The following LDHAL6A variants were observed in gnomAD, a reference collection of about 807,000 sequenced individuals.
The protein encoded by LDHAL6A is L-lactate dehydrogenase A-like 6A.
A neutral mutation model predicts 28.2 loss-of-function variants in LDHAL6A; 19 were observed. The observed-to-expected ratio is 0.67, with a 90% confidence interval of 0.47 to 0.99. The LOEUF is 0.99. Among genes scored for constraint, LDHAL6A ranks in the 50% least tolerant of loss-of-function variants. The pLI is 0.00. For missense variants in LDHAL6A, 372 were observed against 398.6 expected, an observed-to-expected ratio of 0.93 and a Z score of 0.57; for synonymous variants, 144 against 134.4, an observed-to-expected ratio of 1.07 and a Z score of -0.49.
intron 1 of LDHAL6A, 121 bp from the exon 2 acceptor site, chr11:18,463,840 T>A: frequency 1.5e-6 from 1 of 661,692 alleles, no homozygotes; most frequent in Non-Finnish European, 2.7e-6. Context: ...TCATTTATTA[T>A]GTTTCCTTTG....
At chr11:18,461,380 T>C (rs1848899369) in intron 1 of LDHAL6A, among the ~76,000 whole-genome samples, 1 of 148,996 alleles carries the variant, frequency 6.7e-6, no homozygotes, top group Admixed American at 6.7e-5. Context: ...CCTGAGCTCA[T>C]GATCCGCCCA....
intron 3 of LDHAL6A, among the ~76,000 whole-genome samples, chr11:18,473,116 T>C (rs555429362): frequency 5.6e-4 from 86 of 152,340 alleles, no homozygotes; most frequent in Non-Finnish European, 1.0e-3. Flanking sequence ...GCAAATTCTA[T>C]ACATAGAACA....
intron 1 of LDHAL6A, among the ~76,000 whole-genome samples, chr11:18,458,297 T>TGG (rs1015665079): frequency 6.4e-4 from 98 of 152,268 alleles, no homozygotes; most frequent in African/African-American, 2.2e-3. Context: ...CAACTGGTGA[T>TGG]GGGAGGCACA....
chr11:18,465,217 T>C (rs1849033773), intron 2 of LDHAL6A, among the ~76,000 whole-genome samples: 1 of 151,698 alleles, frequency 6.6e-6, no homozygotes, highest in Non-Finnish European at 1.5e-5. Flanking sequence ...ACTGCCTCCA[T>C]GTTCAAGTGA....
At position 18,456,632 on chromosome 11, in the gene LDHAL6A, A is replaced by C; in HGVS notation, c.-49A>C. 1 of 1,587,524 alleles carries C rather than the reference A, an allele frequency of 6.3e-7. No individual in the cohort carries two copies. The highest frequency in any genetic ancestry group is 8.6e-7 in the Non-Finnish European group (1 of 1,158,120). On this transcript the variant is annotated 5_prime_UTR_variant, in exon 1 of 7. Coordinates refer to ENST00000280706, the MANE Select transcript of LDHAL6A (RefSeq NM_144972.5). The stretch of plus-strand genomic sequence containing the variant: ...GGAATTCCAAGCCATTTCCAATTCC[A>C]GGTCTTGGAAATGGCTGTGCAATTT...
chr11:18,463,213 A>C (rs1848970699), intron 1 of LDHAL6A, among the ~76,000 whole-genome samples: 1 of 152,188 alleles, frequency 6.6e-6, no homozygotes. Context: ...TGACTGGGTC[A>C]TGAGGGCTCT....
chr11:18,475,683 A>G, intron 4 of LDHAL6A, 44 bp downstream of exon 4: 1 of 1,534,272 alleles, frequency 6.5e-7, no homozygotes, highest in South Asian at 1.2e-5. Context: ...TCTATTTCCT[A>G]TCAATCATAC....
intron 3 of LDHAL6A, among the ~76,000 whole-genome samples, chr11:18,470,147 A>G (rs1418625029): frequency 6.6e-6 from 1 of 151,712 alleles, no homozygotes; most frequent in African/African-American, 2.4e-5. Flanking sequence ...CTGGTCTTGA[A>G]CTCCTGGCAT....
chr11:18,467,872 T>TAC (rs1565070703), intron 3 of LDHAL6A, among the ~76,000 whole-genome samples: 4 of 29,222 alleles, frequency 1.4e-4, no homozygotes, highest in East Asian at 1.9e-3. Flanking sequence ...AATATATATA[T>TAC]ATACACACAT....
At chr11:18,471,297 C>G (rs1289732950) in intron 3 of LDHAL6A, among the ~76,000 whole-genome samples, 1 of 151,304 alleles carries the variant, frequency 6.6e-6, no homozygotes, top group African/African-American at 2.4e-5. Flanking sequence ...GCAACCTCCG[C>G]CTCCTGGGTT....
Position 18,465,696 on chromosome 11 carries a change from A to G in LDHAL6A, c.304A>G (p.Lys102Glu), listed in dbSNP as rs2061088607. 2 of 1,614,122 alleles carry G rather than the reference A, an allele frequency of 1.2e-6. No homozygotes were observed. Among genetic ancestry groups the G allele is most frequent in the Admixed American group, 1.7e-5 (1 of 60,016 alleles). The change falls in exon 3 of 7, where the codon AAA (lysine) becomes GAA (glutamate). Residue 102 changes from lysine to glutamate, a missense_variant. This residue lies in a region of LDHAL6A where 291 missense variants were observed against 302.9 expected (regional missense o/e 0.96). Transcript: ENST00000280706. ...TATCACAGCAGGTGCACGCCAGAAAAAAGGAGAAACACGCCTTGATTTAGT... is the reference window on the plus strand; with the variant it reads ...TATCACAGCAGGTGCACGCCAGAAAGAAGGAGAAACACGCCTTGATTTAGT... The part of the protein sequence containing the change: ...VIITAGARQK[K>E]GETRLDLVQR...
chr11:18,476,905 T>C (rs1193723145), intron 5 of LDHAL6A, among the ~76,000 whole-genome samples: 1 of 151,708 alleles, frequency 6.6e-6, no homozygotes, highest in African/African-American at 2.4e-5. Flanking sequence ...TTTGGGAAGC[T>C]GAGGTGGTAG....
In LDHAL6A at chr11:18,464,197, C is replaced by T; in HGVS notation, c.244+119C>T. The T allele has an allele frequency of 1.1e-5, 7 of 666,320 alleles. No individual in the cohort carries two copies. In the South Asian group the frequency reaches 1.2e-4, roughly 12 times the overall value. The allele number at this position is 666,320 out of a possible 1,614,324, so 41.3% of individuals were successfully genotyped here. On this transcript the variant is annotated intron_variant, in intron 2 of 6. Coordinates refer to ENST00000280706, the MANE Select transcript of LDHAL6A (RefSeq NM_144972.5). ...TATAGATAAGGCTGGTTGCTCCCTA[C>T]TCTGTACTCTCATAACGTGTTCAGA...
intron 4 of LDHAL6A, 75 bp downstream of exon 4, chr11:18,475,714 C>A: frequency 7.7e-7 from 1 of 1,295,176 alleles, no homozygotes. Context: ...TGTAAAGTAG[C>A]TCCTGGGAGG....
intron 1 of LDHAL6A, among the ~76,000 whole-genome samples, chr11:18,457,907 A>G (rs1003132186): frequency 6.6e-6 from 1 of 152,252 alleles, no homozygotes; most frequent in Non-Finnish European, 1.5e-5. Context: ...ACAACCCTGG[A>G]AAGTAAATAT....
At chr11:18,466,826 G>T (rs1281129723) in intron 3 of LDHAL6A, among the ~76,000 whole-genome samples, 1 of 152,158 alleles carries the variant, frequency 6.6e-6, no homozygotes, top group Admixed American at 6.6e-5. Flanking sequence ...CTCCTCACTG[G>T]TGCATTTACA....
Position 18,456,339 on chromosome 11 carries a change from T to G in LDHAL6A, c.-342T>G. 3 of 225,860 alleles carry G rather than the reference T, an allele frequency of 1.3e-5. No homozygotes were observed. The highest frequency in any genetic ancestry group is 2.6e-5 in the Non-Finnish European group (3 of 114,842). The allele number at this position is 225,860 out of a possible 1,614,324, so 14.0% of individuals were successfully genotyped here. On this transcript the variant is annotated 5_prime_UTR_variant, in exon 1 of 7. Coordinates refer to ENST00000280706, the MANE Select transcript of LDHAL6A (RefSeq NM_144972.5). ...AGGGTAAAGGGGAGAGAAAAGGGGGTCAGCTGCGGGACGGAGTGCCGTCCC... is the reference window on the plus strand; with the variant it reads ...AGGGTAAAGGGGAGAGAAAAGGGGGGCAGCTGCGGGACGGAGTGCCGTCCC...
exon 7 of LDHAL6A, chr11:18,479,596 ATTTGACCTTGCTGTTTTTTATTC>A (rs1238361394): frequency 1.3e-5 from 2 of 152,118 alleles, no homozygotes; most frequent in African/African-American, 4.8e-5. Context: ...TAAAACATTG[ATTTGACCTTGCTGTTTTTTATTC>A]TTTGAGTGCA....
chr11:18,471,970 GATGTA>G lies in LDHAL6A; in HGVS notation c.419-3494_419-3490del, dbSNP rs555963790. Among the ~76,000 whole-genome samples the G allele has an allele frequency of 2.2e-4, 33 of 151,814 alleles. No individual in the cohort carries two copies. The South Asian group carries it at 6.9e-3, about 32-fold the overall frequency. On this transcript the variant is annotated intron_variant, in intron 3 of 6. Coordinates refer to ENST00000280706, the MANE Select transcript of LDHAL6A (RefSeq NM_144972.5). ...TAGAGGGCAGTACGGTAAGGGAGGG[GATGTA>G]AAATAATACAGGAAGATAACCTAAA... is the stretch of plus-strand genomic sequence containing the variant.
Sources: allele counts gnomAD v4.1 joint callset (sites outside exome capture counted in the v4.1 genomes callset), GRCh38; gene constraint gnomAD v4.1.1; regional missense constraint gnomAD v4.1.1; transcripts MANE v1.5; gene names NCBI Gene and HGNC (gene_info 2026-07-23, HGNC 2026-07-21).